Variants in SLC71A1 observed in about 807,000 individuals in gnomAD.
SLC71A1 encodes solute carrier family 71 member 1.
At chr1:100,056,153 A>G in the SLC71A1 span, among the ~76,000 whole-genome samples, 1 of 152,266 alleles carries the variant, frequency 6.6e-6, no homozygotes, top group Admixed American at 6.5e-5. Flanking sequence ...TGTGCCCACT[A>G]ACCATCCTCT....
the SLC71A1 span, among the ~76,000 whole-genome samples, chr1:100,049,288 G>T: frequency 6.9e-5 from 10 of 145,552 alleles, no homozygotes; most frequent in African/African-American, 2.3e-4. Context: ...TGTTGATATC[G>T]TGTTTATATT....
At chr1:100,076,313 C>A in the SLC71A1 span, among the ~76,000 whole-genome samples, 2 of 152,194 alleles carry the variant, frequency 1.3e-5, no homozygotes, top group South Asian at 4.1e-4. Context: ...TATGGACTTA[C>A]TAGCTATCTT....
the SLC71A1 span, among the ~76,000 whole-genome samples, chr1:100,065,575 TTTCCC>T: frequency 0.013 from 1,853 of 145,936 alleles, 31 homozygotes; most frequent in African/African-American, 0.038. Context: ...CCTTTTCTCT[TTTCCC>T]TTCCCTTCCC....
chr1:100,082,791 T>C, the SLC71A1 span: 1 of 152,576 alleles, frequency 6.6e-6, no homozygotes, highest in Non-Finnish European at 1.5e-5. Flanking sequence ...GCAGTACTTT[T>C]AAACATTATT....
At chr1:100,065,506 T>C in the SLC71A1 span, among the ~76,000 whole-genome samples, 3 of 138,302 alleles carry the variant, frequency 2.2e-5, no homozygotes, top group Admixed American at 7.2e-5. Context: ...CCCTCCCCTT[T>C]CCACTTTTCA....
chr1:100,056,365 G>A, the SLC71A1 span, among the ~76,000 whole-genome samples: 1 of 152,190 alleles, frequency 6.6e-6, no homozygotes, highest in African/African-American at 2.4e-5. Context: ...TTTTCTGTGT[G>A]TATAAATACA....
At chr1:100,066,575 G>C in the SLC71A1 span, among the ~76,000 whole-genome samples, 1 of 152,108 alleles carries the variant, frequency 6.6e-6, no homozygotes, top group East Asian at 1.9e-4. Flanking sequence ...TTCTTCCAGC[G>C]TGGCCCAGGG....
the SLC71A1 span, among the ~76,000 whole-genome samples, chr1:100,047,641 T>G: frequency 2.0e-3 from 309 of 152,244 alleles, 2 homozygotes; most frequent in African/African-American, 6.8e-3. Flanking sequence ...AGGCTGGTCT[T>G]GAACTCCTGA....
chr1:100,038,309 G>C, the SLC71A1 span: 3 of 1,554,680 alleles, frequency 1.9e-6, no homozygotes, highest in Admixed American at 5.8e-5. Flanking sequence ...ATTAAGGACG[G>C]AGGCACGGTG....
the SLC71A1 span, among the ~76,000 whole-genome samples, chr1:100,044,025 T>C: frequency 6.6e-6 from 1 of 152,264 alleles, no homozygotes; most frequent in Admixed American, 6.5e-5. Flanking sequence ...CATGTACATG[T>C]GTCTTTTTCA....
the SLC71A1 span, among the ~76,000 whole-genome samples, chr1:100,070,470 T>TA: frequency 6.6e-6 from 1 of 152,124 alleles, no homozygotes; most frequent in Non-Finnish European, 1.5e-5. Context: ...AAGACTTGAG[T>TA]AAGATAGGAA....
the SLC71A1 span, chr1:100,067,885 G>T: frequency 1.0e-6 from 1 of 978,082 alleles, no homozygotes; most frequent in Non-Finnish European, 1.6e-6. Flanking sequence ...GCAACAGAAG[G>T]CCTGACATAA....
At chr1:100,038,144 G>C in the SLC71A1 span, 2 of 1,197,666 alleles carry the variant, frequency 1.7e-6, no homozygotes, top group Non-Finnish European at 2.4e-6. Context: ...GAGCGGCTCG[G>C]CCCGGCAGTA....
chr1:100,075,637 C>A, the SLC71A1 span, among the ~76,000 whole-genome samples: 1 of 152,306 alleles, frequency 6.6e-6, no homozygotes, highest in Admixed American at 6.5e-5. Flanking sequence ...CTAATCATTT[C>A]TAATCTTTCT....
the SLC71A1 span, among the ~76,000 whole-genome samples, chr1:100,077,852 C>G: frequency 2.0e-5 from 3 of 152,136 alleles, no homozygotes; most frequent in Admixed American, 1.3e-4. Flanking sequence ...ATGGTTTGCA[C>G]TAATATTTCA....
the SLC71A1 span, among the ~76,000 whole-genome samples, chr1:100,070,467 G>C: frequency 2.0e-5 from 3 of 152,184 alleles, no homozygotes; most frequent in South Asian, 6.2e-4. Flanking sequence ...CATAAGACTT[G>C]AGTAAGATAG....
the SLC71A1 span, among the ~76,000 whole-genome samples, chr1:100,058,481 GC>G: frequency 6.6e-6 from 1 of 152,106 alleles, no homozygotes; most frequent in Non-Finnish European, 1.5e-5. Context: ...CCAATGTAGT[GC>G]CCTGTGACAT....
chr1:100,054,776 C>T, the SLC71A1 span, among the ~76,000 whole-genome samples: 1 of 152,130 alleles, frequency 6.6e-6, no homozygotes, highest in African/African-American at 2.4e-5. Flanking sequence ...TCTCTGTTCA[C>T]CTCTAAAGAC....
the SLC71A1 span, chr1:100,080,263 GTGAGAC>G: frequency 5.7e-6 from 2 of 348,516 alleles, no homozygotes; most frequent in Non-Finnish European, 1.0e-5. Flanking sequence ...TTGTTTCTAT[GTGAGAC>G]CTATATATGG....
Sources: gnomAD v4.1 joint callset for allele counts (sites outside exome capture counted in the v4.1 genomes callset) on GRCh38, gnomAD v4.1.1 for gene constraint, MANE v1.5 for transcripts, NCBI Gene and HGNC (gene_info 2026-07-23, HGNC 2026-07-21) for gene names.